Variants in GRIK2 observed in about 807,000 individuals in gnomAD.
GRIK2 encodes the protein glutamate receptor ionotropic, kainate 2.
Under a neutral mutation model 100.3 loss-of-function variants are expected in GRIK2, and 32 were observed. The ratio of observed to expected loss-of-function variants is 0.32; its 90% CI spans 0.24 to 0.43. GRIK2 has a LOEUF of 0.43. GRIK2 is among the 20% of genes least tolerant of loss of function. The pLI is 1.00. For synonymous variants in GRIK2, 417 were observed against 389.4 expected (o/e 1.07, Z -0.83); for missense variants, 843 against 1,114.9 (o/e 0.76, Z 3.47).
intron 7 of GRIK2, among the ~76,000 whole-genome samples, chr6:101,699,005 G>T (rs941428510): frequency 6.6e-6 from 1 of 152,118 alleles, no homozygotes; most frequent in African/African-American, 2.4e-5. Context: ...ATAAGTCAAA[G>T]AAACTCAGAA....
intron 14 of GRIK2, among the ~76,000 whole-genome samples, chr6:101,965,519 G>A (rs1337369194): frequency 6.6e-6 from 1 of 150,938 alleles, no homozygotes; most frequent in Non-Finnish European, 1.5e-5. Flanking sequence ...TCTGTAAAAT[G>A]TTTCACATTA....
At chr6:101,715,614 A>G (rs1774012239) in intron 7 of GRIK2, among the ~76,000 whole-genome samples, 1 of 151,768 alleles carries the variant, frequency 6.6e-6, no homozygotes, top group Non-Finnish European at 1.5e-5. Flanking sequence ...ACAACGGCCC[A>G]TAAATGTTCT....
At chr6:101,975,829 A>ATCTATCTG (rs1793342407) in intron 14 of GRIK2, among the ~76,000 whole-genome samples, 2 of 151,364 alleles carry the variant, frequency 1.3e-5, no homozygotes, top group Non-Finnish European at 3.0e-5. Context: ...CTATCTATCT[A>ATCTATCTG]TCTATCTATC....
chr6:101,927,408 C>A (rs566055735), intron 13 of GRIK2: 15 of 197,622 alleles, frequency 7.6e-5, no homozygotes, highest in Non-Finnish European at 1.2e-4. Flanking sequence ...TCTATGCTTT[C>A]TTGATAGATT....
chr6:101,474,880 C>G (rs1311091898), intron 2 of GRIK2, among the ~76,000 whole-genome samples: 1 of 151,866 alleles, frequency 6.6e-6, no homozygotes, highest in Non-Finnish European at 1.5e-5. Context: ...ATCACAATAT[C>G]TAGAATTATA....
chr6:102,055,957 T>C (rs1178456257), intron 16 of GRIK2, among the ~76,000 whole-genome samples: 1 of 151,810 alleles, frequency 6.6e-6, no homozygotes, highest in Non-Finnish European at 1.5e-5. Context: ...AAAAATACTC[T>C]GCAGATTAAA....
rs141999263 is a variant in GRIK2, at chr6:101,614,590, G to T, written c.116-7359G>T. Among the ~76,000 whole-genome samples the T allele has an allele frequency of 3.1e-4, 47 of 151,670 alleles. No homozygotes were observed. In the East Asian group the frequency reaches 7.8e-3, roughly 25 times the overall value. On this transcript the variant is annotated intron_variant, in intron 2 of 16. Transcript: ENST00000369134. ...TAACATTGTCCTTTGGCATTATATTGTATAAAAATTAAAGAAGCTTGATGA... is the reference window on the plus strand; with the variant it reads ...TAACATTGTCCTTTGGCATTATATTTTATAAAAATTAAAGAAGCTTGATGA...
chr6:102,067,831 A>G (rs1772092279), intron 16 of GRIK2, among the ~76,000 whole-genome samples: 1 of 151,918 alleles, frequency 6.6e-6, no homozygotes, highest in African/African-American at 2.4e-5. Context: ...ATGAAATGCC[A>G]GAAATTGTTT....
intron 2 of GRIK2, among the ~76,000 whole-genome samples, chr6:101,588,695 AAAG>A (rs1778501618): frequency 6.8e-6 from 1 of 147,602 alleles, no homozygotes; most frequent in African/African-American, 2.5e-5. Flanking sequence ...GAAAAGAAAG[AAAG>A]AAGAAAAGAA....
At position 101,655,427 on chromosome 6, in the gene GRIK2, A is replaced by C. The variant is rs775018589; in HGVS notation, c.542-21196A>C. Among the ~76,000 whole-genome samples the C allele has an allele frequency of 3.9e-5, 6 of 152,306 alleles. No homozygotes were observed. In the East Asian group the frequency reaches 1.2e-3, roughly 29 times the overall value. Reference sequence around the variant, plus strand: ...CAATTAATCTTACCACCTATTCTTAAGAACAATTACTCACAAGAAAAATAC... The same window carrying C: ...CAATTAATCTTACCACCTATTCTTACGAACAATTACTCACAAGAAAAATAC... On this transcript the variant is annotated intron_variant, in intron 4 of 16. Coordinates refer to ENST00000369134, the MANE Select transcript of GRIK2 (RefSeq NM_021956.5).
intron 2 of GRIK2, among the ~76,000 whole-genome samples, chr6:101,406,222 T>C (rs1775588011): frequency 6.6e-6 from 1 of 152,166 alleles, no homozygotes; most frequent in African/African-American, 2.4e-5. Context: ...CTGCAGGATT[T>C]TTTTTTTAAT....
At chr6:101,873,982 G>C (rs996100929) in intron 11 of GRIK2, among the ~76,000 whole-genome samples, 5 of 152,124 alleles carry the variant, frequency 3.3e-5, no homozygotes, top group African/African-American at 2.4e-5. Context: ...GTTCATTGTA[G>C]ATTCTGGATA....
intron 2 of GRIK2, among the ~76,000 whole-genome samples, chr6:101,618,265 A>G (rs1779991735): frequency 6.6e-6 from 1 of 151,480 alleles, no homozygotes; most frequent in African/African-American, 2.4e-5. Context: ...CAGTATTATC[A>G]CTTTAATATT....
chr6:101,483,067 C>T (rs1432301874), intron 2 of GRIK2, among the ~76,000 whole-genome samples: 1 of 152,142 alleles, frequency 6.6e-6, no homozygotes, highest in Non-Finnish European at 1.5e-5. Context: ...AAAAACTTTA[C>T]AAATACATAG....
At chr6:101,824,301 C>T (rs1166211847) in intron 10 of GRIK2, among the ~76,000 whole-genome samples, 1 of 152,072 alleles carries the variant, frequency 6.6e-6, no homozygotes, top group Non-Finnish European at 1.5e-5. Context: ...GCCCTTTCCC[C>T]TAAGTTCCCA....
intron 7 of GRIK2, among the ~76,000 whole-genome samples, chr6:101,730,306 GAAGTT>G (rs987019514): frequency 3.3e-5 from 5 of 151,950 alleles, no homozygotes. Context: ...CAGTAAGAAA[GAAGTT>G]AAGACTGAGA....
intron 15 of GRIK2, among the ~76,000 whole-genome samples, chr6:102,048,848 C>T: frequency 6.6e-6 from 1 of 151,884 alleles, no homozygotes; most frequent in Non-Finnish European, 1.5e-5. Context: ...ATTACAATAT[C>T]TGAATAACTA....
chr6:101,500,447 A>T (rs1773687256), intron 2 of GRIK2, among the ~76,000 whole-genome samples: 1 of 152,116 alleles, frequency 6.6e-6, no homozygotes, highest in Admixed American at 6.6e-5. Context: ...ACTAAATTTA[A>T]TGGAGCAGAG....
rs545104879 is a variant in GRIK2, at chr6:101,846,498, C to T, written c.1318-12789C>T. ...GTTTTCTTTTATTGTGAAGTCTTTTCTGGTTTAGTATCAGGGTAGTGTTGG... is the reference window on the plus strand; with the variant it reads ...GTTTTCTTTTATTGTGAAGTCTTTTTTGGTTTAGTATCAGGGTAGTGTTGG... On this transcript the variant is annotated intron_variant, in intron 10 of 16. Coordinates refer to ENST00000369134, the MANE Select transcript of GRIK2 (RefSeq NM_021956.5). Among the ~76,000 whole-genome samples the T allele has an allele frequency of 7.2e-5, 11 of 152,042 alleles. No individual in the cohort carries two copies. In the South Asian group the frequency reaches 2.3e-3, roughly 32 times the overall value.
Sources: gnomAD v4.1 joint callset for allele counts (sites outside exome capture counted in the v4.1 genomes callset) on GRCh38, gnomAD v4.1.1 for gene constraint, MANE v1.5 for transcripts, NCBI Gene and HGNC (gene_info 2026-07-23, HGNC 2026-07-21) for gene names.